RPS6KC1: variants seen among roughly 807,000 people sequenced by gnomAD.
RPS6KC1 encodes the protein inactive ribosomal protein S6 kinase delta-1.
RPS6KC1 carries 54 observed loss-of-function variants against 103.8 expected under a neutral mutation model. The observed-to-expected ratio is 0.52, with a 90% CI of 0.42 to 0.65. The LOEUF is 0.65. RPS6KC1 is among the 30% of genes least tolerant of loss of function. The pLI, the probability that RPS6KC1 is intolerant of heterozygous loss-of-function variation, is 0.00. For missense variants in RPS6KC1, 1,151 were observed against 1,253.8 expected (o/e 0.92, Z 1.24); for synonymous variants, 439 against 438.7 (o/e 1.00, Z -0.01).
chr1:213,696,010 AT>A, the RPS6KC1 span, among the ~76,000 whole-genome samples: 2 of 152,198 alleles, frequency 1.3e-5, no homozygotes, highest in Non-Finnish European at 2.9e-5. Context: ...TCATGTCATC[AT>A]GAACCTTTAA....
At chr1:213,593,000 G>A in the RPS6KC1 span, among the ~76,000 whole-genome samples, 1 of 152,140 alleles carries the variant, frequency 6.6e-6, no homozygotes, top group Admixed American at 6.5e-5. Flanking sequence ...AATCAAGGAG[G>A]CCTCACATAT....
At chr1:213,178,279 C>CTT in intron 8 of RPS6KC1, among the ~76,000 whole-genome samples, 1 of 151,586 alleles carries the variant, frequency 6.6e-6, no homozygotes, top group Non-Finnish European at 1.5e-5. Flanking sequence ...GTGGCTCATG[C>CTT]CTGTAATCTC....
chr1:213,845,783 A>G, the RPS6KC1 span, among the ~76,000 whole-genome samples: 16 of 152,130 alleles, frequency 1.1e-4, no homozygotes, highest in African/African-American at 3.9e-4. Flanking sequence ...CTGTGCCTCA[A>G]TTTTCACATG....
At chr1:213,367,420 T>C in the RPS6KC1 span, among the ~76,000 whole-genome samples, 9 of 152,250 alleles carry the variant, frequency 5.9e-5, no homozygotes, top group Admixed American at 5.9e-4. Context: ...CAAAGTCCTT[T>C]TGAATTGAGA....
At chr1:213,344,039 A>G in the RPS6KC1 span, among the ~76,000 whole-genome samples, 1 of 152,184 alleles carries the variant, frequency 6.6e-6, no homozygotes, top group Non-Finnish European at 1.5e-5. Flanking sequence ...AGGATCCAGA[A>G]ATTTTATCTC....
the RPS6KC1 span, among the ~76,000 whole-genome samples, chr1:213,861,882 C>A: frequency 5.3e-5 from 8 of 152,152 alleles, no homozygotes; most frequent in African/African-American, 1.9e-4. Flanking sequence ...CTCATCCATT[C>A]CCTAGTCCTG....
chr1:213,072,740 A>G lies in RPS6KC1; in HGVS notation c.141+1699A>G, dbSNP rs553308944. On this transcript the variant is annotated intron_variant, in intron 2 of 14. Transcript: ENST00000366960. The stretch of plus-strand genomic sequence containing the variant: ...TACTTTTCTGTCTTTACTTGTATCA[A>G]TTGATGAGTGTGAACTATTCTTTAG... 2.3e-4 allele frequency: 36 copies of G among 153,296 alleles called. No individual in the cohort carries two copies. In the South Asian group the frequency reaches 4.1e-3, roughly 18 times the overall value. 9.5% of individuals were successfully genotyped at this position (153,296 alleles called of 1,614,324 possible).
chr1:213,785,206 C>T, the RPS6KC1 span, among the ~76,000 whole-genome samples: 258 of 152,182 alleles, frequency 1.7e-3, no homozygotes, highest in African/African-American at 5.8e-3. Flanking sequence ...CAAAGCTGTT[C>T]GTATCAAATT....
chr1:213,150,762 C>T (rs953030029), intron 6 of RPS6KC1, among the ~76,000 whole-genome samples: 30 of 152,358 alleles, frequency 2.0e-4, no homozygotes, highest in South Asian at 4.1e-4. Flanking sequence ...TTTTCCCCAC[C>T]TTTCCTGCCT....
At chr1:213,521,890 C>A in the RPS6KC1 span, among the ~76,000 whole-genome samples, 1 of 152,164 alleles carries the variant, frequency 6.6e-6, no homozygotes, top group Non-Finnish European at 1.5e-5. Flanking sequence ...CGTTGCGAGT[C>A]CCTTAAAGTT....
At chr1:213,068,873 A>ATATGTG (rs977346443) in intron 1 of RPS6KC1, among the ~76,000 whole-genome samples, 5 of 127,394 alleles carry the variant, frequency 3.9e-5, no homozygotes, top group Admixed American at 2.5e-4. Context: ...AAGTGTATAT[A>ATATGTG]TGTGTGTGTG....
At chr1:213,498,754 A>AGATTAATTCT in the RPS6KC1 span, among the ~76,000 whole-genome samples, 1 of 145,956 alleles carries the variant, frequency 6.9e-6, no homozygotes, top group African/African-American at 2.6e-5. Context: ...GTGCCCGGCC[A>AGATTAATTCT]TAAGTGTGTT....
chr1:213,819,627 T>G, the RPS6KC1 span: 6 of 152,218 alleles, frequency 3.9e-5, no homozygotes, highest in Admixed American at 3.3e-4. Flanking sequence ...AATATTTACC[T>G]CTGTGAGGTT....
the RPS6KC1 span, among the ~76,000 whole-genome samples, chr1:213,501,732 CAAA>C: frequency 1.2e-4 from 15 of 127,014 alleles, no homozygotes; most frequent in Admixed American, 1.5e-4. Flanking sequence ...GAGAGTCCAT[CAAA>C]AAAAAAAAAA....
At chr1:213,702,530 A>G in the RPS6KC1 span, among the ~76,000 whole-genome samples, 1 of 151,910 alleles carries the variant, frequency 6.6e-6, no homozygotes, top group East Asian at 1.9e-4. Flanking sequence ...GTCTCGAGCT[A>G]TTATTGTTTT....
the RPS6KC1 span, among the ~76,000 whole-genome samples, chr1:213,648,573 G>A: frequency 1.3e-5 from 2 of 151,956 alleles, no homozygotes; most frequent in African/African-American, 4.8e-5. Flanking sequence ...TAAGCCCTTG[G>A]AGCTCACCAC....
Position 213,151,305 on chromosome 1 carries a change from G to A in RPS6KC1, c.836-16553G>A, listed in dbSNP as rs1416755313. 4.0e-3 allele frequency among the ~76,000 whole-genome samples: 426 copies of A among 107,246 alleles called. 2 individuals are homozygous for A. The highest frequency in any genetic ancestry group is 0.015 in the African/African-American group (369 of 25,416). 70.4% of individuals were successfully genotyped at this position (107,246 alleles called of 152,430 possible). ...CCAGTAGGGGCGGCCGGGCAGAGGC[G>A]CCCCTCACCTCCCGGACGGGGCGGC... On this transcript the variant is annotated intron_variant, in intron 6 of 14. Coordinates refer to ENST00000366960, the MANE Select transcript of RPS6KC1 (RefSeq NM_012424.6).
At chr1:213,451,796 G>A in the RPS6KC1 span, among the ~76,000 whole-genome samples, 1 of 152,206 alleles carries the variant, frequency 6.6e-6, no homozygotes, top group South Asian at 2.1e-4. Flanking sequence ...AAGAACCCAG[G>A]CCTGGAACTG....
intron 14 of RPS6KC1, among the ~76,000 whole-genome samples, chr1:213,263,180 A>C (rs2094838226): frequency 1.3e-5 from 2 of 152,154 alleles, no homozygotes; most frequent in South Asian, 4.1e-4. Context: ...TCAATTTTTA[A>C]TTCTTACTTA....
Sources: gnomAD v4.1 joint callset for allele counts (sites outside exome capture counted in the v4.1 genomes callset) on GRCh38, gnomAD v4.1.1 for gene constraint, MANE v1.5 for transcripts, NCBI Gene and HGNC (gene_info 2026-07-23, HGNC 2026-07-21) for gene names.